The following PAM variants were observed in gnomAD, a reference collection of about 807,000 sequenced individuals.
PAM encodes peptidyl-glycine alpha-amidating monooxygenase.
A neutral mutation model predicts 122.1 loss-of-function variants in PAM; 72 were observed. That is an observed-to-expected ratio of 0.59 (90% CI 0.49 to 0.72). The LOEUF (loss-of-function observed/expected upper bound fraction) is 0.72, where lower values mean the gene tolerates loss of function less well. Among genes scored for constraint, PAM ranks in the 30% least tolerant of loss-of-function variants. The probability of loss-of-function intolerance (pLI) is 0.00; values close to 1 mark genes in which losing one functional copy is unlikely to be tolerated. For missense variants in PAM, 1,106 were observed against 1,183.7 expected (o/e 0.93, Z 0.96); for synonymous variants, 389 against 404.4 (o/e 0.96, Z 0.46).
rs1561362077 is a variant in PAM, at chr5:102,758,068, ATTTTG to A, written c.-374+2725_-374+2729del. ...AAAAAAAAAAAAAAAAAGACTTAGA[ATTTTG>A]TTTTTTTTTTTTTTTTTTTTTTTTT... On this transcript the variant is annotated intron_variant, in intron 1 of 25. Coordinates refer to ENST00000438793, the MANE Select transcript of PAM (RefSeq NM_001177306.2). 2.5e-4 allele frequency among the ~76,000 whole-genome samples: 22 copies of A among 87,620 alleles called. 2 individuals carry two copies. The highest frequency in any genetic ancestry group is 8.7e-4 in the African/African-American group (20 of 23,102). 57.5% of individuals were successfully genotyped at this position (87,620 alleles called of 152,430 possible). A position where few individuals can be genotyped will look rare whatever the true frequency, so the allele number is the denominator to read the frequency against.
intron 1 of PAM, among the ~76,000 whole-genome samples, chr5:102,828,319 G>T (rs2150393433): frequency 6.6e-6 from 1 of 151,094 alleles, no homozygotes. Context: ...CTGCACTCCA[G>T]CCTAGGTGAC....
intron 1 of PAM, among the ~76,000 whole-genome samples, chr5:102,773,136 G>T (rs768921010): frequency 7.2e-4 from 110 of 152,222 alleles, no homozygotes; most frequent in Non-Finnish European, 1.2e-3. Flanking sequence ...AGGAGGCCTA[G>T]AGTCAGACTT....
chr5:102,799,980 T>G (rs989197184), intron 1 of PAM, among the ~76,000 whole-genome samples: 1 of 152,226 alleles, frequency 6.6e-6, no homozygotes, highest in African/African-American at 2.4e-5. Flanking sequence ...AGTAGGTGAA[T>G]CCCAAATTTA....
chr5:102,767,651 C>T (rs984545978), intron 1 of PAM, among the ~76,000 whole-genome samples: 2 of 152,198 alleles, frequency 1.3e-5, no homozygotes, highest in African/African-American at 2.4e-5. Context: ...TTTCTTAGTA[C>T]AGCCCCTATA....
At chr5:103,002,274 A>G (rs1203227751) in intron 16 of PAM, among the ~76,000 whole-genome samples, 1 of 152,122 alleles carries the variant, frequency 6.6e-6, no homozygotes, top group East Asian at 1.9e-4. Flanking sequence ...ATGGAAATAT[A>G]ATTTTGAAAG....
chr5:102,847,674 A>C (rs1580881153), intron 1 of PAM, among the ~76,000 whole-genome samples: 2 of 152,364 alleles, frequency 1.3e-5, no homozygotes, highest in African/African-American at 4.8e-5. Flanking sequence ...GGTTAATATC[A>C]TTCCGCTCTC....
At position 102,809,705 on chromosome 5, in the gene PAM, A is replaced by G. The variant is rs796981263; in HGVS notation, c.-374+54357A>G. Among the ~76,000 whole-genome samples the G allele has an allele frequency of 3.0e-4, 45 of 152,190 alleles. 1 individual carries two copies. The highest frequency in any genetic ancestry group is 1.0e-3 in the African/African-American group (43 of 41,418). ...CATGAGATGATTCGCCTTTCTACAAAGAATCAGTGAGAAGTACAACTGTGA... is the reference window on the plus strand; with the variant it reads ...CATGAGATGATTCGCCTTTCTACAAGGAATCAGTGAGAAGTACAACTGTGA... On this transcript the variant is annotated intron_variant, in intron 1 of 25. Transcript: ENST00000438793.
intron 3 of PAM, chr5:102,873,170 C>A (rs978603036): frequency 6.6e-6 from 1 of 151,770 alleles, no homozygotes; most frequent in African/African-American, 2.4e-5. Context: ...CTTATCTTTT[C>A]TCTAGTTGTT....
chr5:103,008,169 GA>G (rs1480972386), intron 20 of PAM, among the ~76,000 whole-genome samples: 1 of 149,248 alleles, frequency 6.7e-6, no homozygotes, highest in East Asian at 2.0e-4. Flanking sequence ...TTGACTCTAA[GA>G]AAATCTGAAA....
At chr5:102,830,883 A>ATGTTTTGTTT (rs200045382) in intron 1 of PAM, among the ~76,000 whole-genome samples, 35 of 95,120 alleles carry the variant, frequency 3.7e-4, no homozygotes, top group African/African-American at 1.0e-3. Context: ...TGTATTTTGG[A>ATGTTTTGTTT]TGTTTTGTTT....
chr5:103,029,891 C>T (rs959493876), downstream of PAM: 1 of 152,074 alleles, frequency 6.6e-6, no homozygotes, highest in African/African-American at 2.4e-5. Flanking sequence ...TAAAAACCAG[C>T]CTGAGTTTAC....
In PAM at chr5:102,951,835, C is replaced by CT. The variant is rs1416089487; in HGVS notation, c.905+1019dup. ...ACAGAAATAGTTTCCAACAGCTTTGCTTTTGGATAAATTTGCTAAATTTGG... is the reference window on the plus strand; with the variant it reads ...ACAGAAATAGTTTCCAACAGCTTTGCTTTTTGGATAAATTTGCTAAATTTGG... On this transcript the variant is annotated intron_variant, in intron 12 of 25. Coordinates refer to ENST00000438793, the MANE Select transcript of PAM (RefSeq NM_001177306.2). Among the ~76,000 whole-genome samples, 6 of 152,088 alleles carry CT rather than the reference C, an allele frequency of 3.9e-5. No homozygotes were observed. In the East Asian group the frequency reaches 7.7e-4, roughly 20 times the overall value.
rs991163138 is a variant in PAM, at chr5:102,924,940, C to T, written c.357-17C>T. The T allele has an allele frequency of 7.8e-7, 1 of 1,287,776 alleles. No homozygotes were observed. The highest frequency in any genetic ancestry group is 2.3e-5 in the East Asian group (1 of 43,434). 79.8% of individuals were successfully genotyped at this position (1,287,776 alleles called of 1,614,324 possible). A position where few individuals can be genotyped will look rare whatever the true frequency, so the allele number is the denominator to read the frequency against. On this transcript the variant is annotated splice_polypyrimidine_tract_variant and intron_variant, in intron 5 of 25. Coordinates refer to ENST00000438793, the MANE Select transcript of PAM (RefSeq NM_001177306.2). ...ACTATTTAAATCTTCATTTATACTA[C>T]TTTTTATTTTCTTCAGGTTTTGTGA...
At chr5:102,938,976 G>A (rs188092179) in intron 7 of PAM, among the ~76,000 whole-genome samples, 1 of 152,222 alleles carries the variant, frequency 6.6e-6, no homozygotes, top group Admixed American at 6.6e-5. Context: ...ATCATTAGAA[G>A]TGCTGGGATT....
intron 14 of PAM, among the ~76,000 whole-genome samples, chr5:102,971,933 G>T (rs925852579): frequency 1.3e-4 from 20 of 152,174 alleles, no homozygotes; most frequent in African/African-American, 4.1e-4. Flanking sequence ...TGTTTGTACA[G>T]ATTCTGCTCT....
At chr5:102,846,589 A>G (rs924584820) in intron 1 of PAM, among the ~76,000 whole-genome samples, 4 of 152,162 alleles carry the variant, frequency 2.6e-5, no homozygotes, top group East Asian at 1.9e-4. Context: ...GAAACCCACA[A>G]ATAAAAAGTG....
intron 7 of PAM, among the ~76,000 whole-genome samples, chr5:102,934,714 C>T (rs760617081): frequency 6.6e-6 from 1 of 152,110 alleles, no homozygotes; most frequent in Non-Finnish European, 1.5e-5. Context: ...ACTCTATCAC[C>T]TTTGTGAATC....
intron 7 of PAM, among the ~76,000 whole-genome samples, chr5:102,945,047 G>A (rs1581999228): frequency 6.6e-6 from 1 of 151,970 alleles, no homozygotes; most frequent in South Asian, 2.1e-4. Context: ...TTCATGTACT[G>A]TATTTTTTGG....
intron 16 of PAM, among the ~76,000 whole-genome samples, chr5:102,990,710 A>G (rs1773812026): frequency 6.6e-6 from 1 of 152,220 alleles, no homozygotes; most frequent in Admixed American, 6.5e-5. Context: ...TAGTTAAGCC[A>G]GTACCTTAGT....
Sources: gnomAD v4.1 joint callset for allele counts (sites outside exome capture counted in the v4.1 genomes callset) on GRCh38, gnomAD v4.1.1 for gene constraint, MANE v1.5 for transcripts, NCBI Gene and HGNC (gene_info 2026-07-23, HGNC 2026-07-21) for gene names.